OLR1: variants seen among roughly 807,000 people sequenced by gnomAD.
OLR1 encodes oxidized low-density lipoprotein receptor 1.
In OLR1, 23 loss-of-function variants were observed where a neutral mutation model predicts 31.7. The observed-to-expected ratio is 0.72, with a 90% CI of 0.52 to 1.03. OLR1 has a LOEUF of 1.03. Ranked by LOEUF, OLR1 falls within the 50% of genes least tolerant of loss-of-function variation. The pLI is 0.00. For missense variants in OLR1, 286 were observed against 315.7 expected, an observed-to-expected ratio of 0.91 and a Z score of 0.71; for synonymous variants, 117 against 115.8, an observed-to-expected ratio of 1.01 and a Z score of -0.07.
intron 3 of OLR1, among the ~76,000 whole-genome samples, 151 bp downstream of exon 3, chr12:10,166,559 AAG>A (rs980464448): frequency 6.6e-5 from 10 of 152,068 alleles, no homozygotes; most frequent in African/African-American, 2.4e-4. Flanking sequence ...GAAAAAGAAA[AAG>A]AAATTGAGAA....
Position 10,159,850 on chromosome 12 carries a change from CTT to C in OLR1, c.*28_*29del. 2.5e-6 allele frequency: 4 copies of C among 1,573,774 alleles called. No individual in the cohort carries two copies. Among genetic ancestry groups the C allele is most frequent in the Non-Finnish European group, 3.5e-6 (4 of 1,158,462 alleles). On this transcript the variant is annotated 3_prime_UTR_variant, in exon 6 of 6. Coordinates refer to ENST00000309539, the MANE Select transcript of OLR1 (RefSeq NM_002543.4). ...TAAATTCCAGAATAAAACTCAAAGA[CTT>C]TTTTCTTTTCTTCCAGAGCCTTCAA...
chr12:10,169,063 T>A lies in OLR1; in HGVS notation c.178+11A>T. On this transcript the variant is annotated intron_variant, in intron 2 of 5. Transcript: ENST00000309539. ...CCCCAATAAACATCAGTTCCGTATT[T>A]TAGCACTTACATTGCATGCCCAGCA... is the stretch of plus-strand genomic sequence containing the variant. 3 of 1,587,652 alleles carry A rather than the reference T, an allele frequency of 1.9e-6. No homozygotes were observed. Among genetic ancestry groups the A allele is most frequent in the Middle Eastern group, 1.7e-4 (1 of 5,942 alleles).
intron 1 of OLR1, among the ~76,000 whole-genome samples, chr12:10,169,937 T>A (rs1238849726): frequency 1.5e-5 from 2 of 135,142 alleles, no homozygotes; most frequent in African/African-American, 5.6e-5. Flanking sequence ...AAAAAAAAAA[T>A]CACAGATATT....
At chr12:10,163,306 T>C (rs1017172981) in intron 3 of OLR1, among the ~76,000 whole-genome samples, 2 of 152,172 alleles carry the variant, frequency 1.3e-5, no homozygotes, top group Non-Finnish European at 2.9e-5. Flanking sequence ...TGTTTCTCGG[T>C]GCTGCTCTCG....
chr12:10,174,839 T>C (rs1487444110), upstream of OLR1, among the ~76,000 whole-genome samples: 1 of 152,238 alleles, frequency 6.6e-6, no homozygotes, highest in Admixed American at 6.5e-5. Context: ...ATAATATTTG[T>C]CCTTTTGTAT....
chr12:10,168,306 T>C (rs746034081), intron 2 of OLR1, among the ~76,000 whole-genome samples: 20 of 152,216 alleles, frequency 1.3e-4, no homozygotes, highest in Non-Finnish European at 2.8e-4. Flanking sequence ...GTTTTATTTA[T>C]TAAGATTGTG....
At chr12:10,167,200 A>G (rs747396662) in intron 2 of OLR1, 13 of 376,208 alleles carry the variant, frequency 3.5e-5, no homozygotes, top group Non-Finnish European at 5.9e-5. Flanking sequence ...GATTTTGGCC[A>G]GGCACGGTGG....
In OLR1 at chr12:10,159,924, C is replaced by A; in HGVS notation, c.778G>T (p.Ala260Ser). ...AVYAENCILAAFSICQKKANL... is the reference protein window; with the variant it reads ...AVYAENCILASFSICQKKANL... ...GCCTTCTTCTGACATATACTGAAGG[C>A]AGCTAAAATGCAGTTTTCCGCATAA... The change falls in exon 6 of 6, where the codon GCC becomes TCC. Residue 260 changes from alanine (A) to serine (S), a missense_variant. Ala to Ser is a moderately conservative substitution (Grantham distance 99). Transcript: ENST00000309539. 1 of 1,613,986 alleles carries A rather than the reference C, an allele frequency of 6.2e-7. No homozygotes were observed. Among genetic ancestry groups the A allele is most frequent in the Non-Finnish European group, 8.5e-7 (1 of 1,179,970 alleles).
At chr12:10,166,141 A>G (rs34593852) in intron 3 of OLR1, among the ~76,000 whole-genome samples, 5,601 of 151,746 alleles carry the variant, frequency 0.037, 356 homozygotes, top group African/African-American at 0.13. Context: ...GAACCCAAGA[A>G]GCAGAAGCTT....
upstream of OLR1, chr12:10,175,526 A>T (rs1948759384): frequency 6.6e-6 from 1 of 152,216 alleles, no homozygotes; most frequent in South Asian, 2.1e-4. Flanking sequence ...CTGCTCACAT[A>T]ATTTGTGGTG....
At chr12:10,174,756 T>A (rs540734773), upstream of OLR1, among the ~76,000 whole-genome samples, 9 of 152,364 alleles carry the variant, frequency 5.9e-5, no homozygotes, top group African/African-American at 2.2e-4. Context: ...TTCTCCTTTC[T>A]TGGAAACCAC....
intron 5 of OLR1, 97 bp downstream of exon 5, chr12:10,160,250 G>A: frequency 9.8e-7 from 1 of 1,023,528 alleles, no homozygotes; most frequent in Non-Finnish European, 1.5e-6. Flanking sequence ...CTGGCAAGAA[G>A]AGGACATTGG....
chr12:10,159,374 G>T lies in OLR1; in HGVS notation c.*506C>A, dbSNP rs1179602543. Reference sequence around the variant, plus strand: ...AGATGGACCACAGTTTAAAAACCAAGGATTGATACCTTTTTTAAAGTTAAG... The same window carrying T: ...AGATGGACCACAGTTTAAAAACCAATGATTGATACCTTTTTTAAAGTTAAG... On this transcript the variant is annotated 3_prime_UTR_variant, in exon 6 of 6. Coordinates refer to ENST00000309539, the MANE Select transcript of OLR1 (RefSeq NM_002543.4). The T allele has an allele frequency of 1.3e-5, 2 of 153,764 alleles. No individual in the cohort carries two copies. Among genetic ancestry groups the T allele is most frequent in the Non-Finnish European group, 2.9e-5 (2 of 68,968 alleles). The allele number at this position is 153,764 out of a possible 1,614,324, so 9.5% of individuals were successfully genotyped here.
chr12:10,162,560 G>T (rs1948628993), intron 3 of OLR1, among the ~76,000 whole-genome samples: 1 of 152,162 alleles, frequency 6.6e-6, no homozygotes, highest in South Asian at 2.1e-4. Flanking sequence ...GGGGGTGGTG[G>T]CTCATGCCTA....
At chr12:10,160,633 C>T (rs1295377678) in intron 4 of OLR1, 153 bp downstream of exon 4, 8 of 1,049,436 alleles carry the variant, frequency 7.6e-6, no homozygotes, top group East Asian at 4.8e-5. Context: ...AGAGCCTGTC[C>T]GTCCAAGGTC....
At chr12:10,164,251 T>C (rs751356150) in intron 3 of OLR1, among the ~76,000 whole-genome samples, 2 of 152,210 alleles carry the variant, frequency 1.3e-5, no homozygotes, top group Non-Finnish European at 2.9e-5. Context: ...AGATAAACTT[T>C]CTCCCTTTAA....
chr12:10,165,187 C>T (rs1354420941), intron 3 of OLR1, among the ~76,000 whole-genome samples: 4 of 152,070 alleles, frequency 2.6e-5, no homozygotes, highest in East Asian at 1.9e-4. Flanking sequence ...CCCTCGAACC[C>T]GGGAGGCGGA....
intron 3 of OLR1, among the ~76,000 whole-genome samples, 190 bp from the exon 4 acceptor site, chr12:10,161,115 T>C (rs1347515277): frequency 6.6e-6 from 1 of 152,058 alleles, no homozygotes; most frequent in African/African-American, 2.4e-5. Flanking sequence ...AGTGGGACTA[T>C]AGTCGTGAGA....
chr12:10,159,783 TCTGGG>T lies in OLR1; in HGVS notation c.*92_*96del. On this transcript the variant is annotated 3_prime_UTR_variant, in exon 6 of 6. Coordinates refer to ENST00000309539, the MANE Select transcript of OLR1 (RefSeq NM_002543.4). Reference sequence around the variant, plus strand: ...TCTGCAGCCAGCTAAATGACAGTTTTCTGGGCTCTCATGTTTGGCACCCAAGTGAC... The same window carrying T: ...TCTGCAGCCAGCTAAATGACAGTTTTCTCTCATGTTTGGCACCCAAGTGAC... 7.9e-7 allele frequency: 1 copy of T among 1,264,892 alleles called. No individual in the cohort carries two copies. Among genetic ancestry groups the T allele is most frequent in the Non-Finnish European group, 1.1e-6 (1 of 929,692 alleles). 78.4% of individuals were successfully genotyped at this position (1,264,892 alleles called of 1,614,324 possible). A position where few individuals can be genotyped will look rare whatever the true frequency, so the allele number is the denominator to read the frequency against.
Sources: allele counts gnomAD v4.1 joint callset (sites outside exome capture counted in the v4.1 genomes callset), GRCh38; gene constraint gnomAD v4.1.1; transcripts MANE v1.5; gene names NCBI Gene and HGNC (gene_info 2026-07-23, HGNC 2026-07-21).